Variants in KHDRBS3 observed in about 807,000 individuals in gnomAD.
KHDRBS3 encodes KH RNA binding domain containing, signal transduction associated 3.
A neutral mutation model predicts 45.6 loss-of-function variants in KHDRBS3; 23 were observed. The ratio of observed to expected loss-of-function variants is 0.50; its 90% CI spans 0.36 to 0.72. The LOEUF (loss-of-function observed/expected upper bound fraction) is 0.72. Ranked by LOEUF, KHDRBS3 falls within the 30% of genes least tolerant of loss-of-function variation. The probability of loss-of-function intolerance (pLI) is 0.00; values close to 1 mark genes in which losing one functional copy is unlikely to be tolerated. For missense variants in KHDRBS3, 352 were observed against 424.8 expected (o/e 0.83, Z 1.51); for synonymous variants, 162 against 156.5 (o/e 1.04, Z -0.26).
intron 7 of KHDRBS3, among the ~76,000 whole-genome samples, chr8:135,617,424 T>C (rs1378554903): frequency 6.6e-6 from 1 of 151,768 alleles, no homozygotes; most frequent in Non-Finnish European, 1.5e-5. Context: ...ACTACAGGAG[T>C]GCTCCACCAC....
chr8:135,572,236 T>C (rs796631075), intron 5 of KHDRBS3, among the ~76,000 whole-genome samples: 25 of 152,304 alleles, frequency 1.6e-4, no homozygotes, highest in African/African-American at 6.0e-4. Context: ...CAGTGGGTGA[T>C]ACAGGCTTCA....
At chr8:135,595,506 G>A (rs61607156) in intron 6 of KHDRBS3, among the ~76,000 whole-genome samples, 11,571 of 152,212 alleles carry the variant, frequency 0.076, 699 homozygotes, top group African/African-American at 0.17. Context: ...TAGACTATGC[G>A]ATAATCTGAA....
chr8:135,612,822 C>A (rs957807031), intron 7 of KHDRBS3, among the ~76,000 whole-genome samples: 4 of 151,752 alleles, frequency 2.6e-5, no homozygotes, highest in African/African-American at 9.7e-5. Context: ...TGACCCGTGG[C>A]CAGTCCAGAT....
chr8:135,654,435 A>G (rs1325380716), intron 4 of KHDRBS3, among the ~76,000 whole-genome samples: 1 of 152,216 alleles, frequency 6.6e-6, no homozygotes, highest in Non-Finnish European at 1.5e-5. Context: ...ACATGTATTC[A>G]TTATGATCTA....
intron 7 of KHDRBS3, among the ~76,000 whole-genome samples, chr8:135,631,578 G>A (rs1830607110): frequency 6.6e-6 from 1 of 151,952 alleles, no homozygotes; most frequent in Non-Finnish European, 1.5e-5. Flanking sequence ...AAGATCTTTA[G>A]GGACAGTAAC....
chr8:135,593,640 G>A (rs1828847443), intron 6 of KHDRBS3, among the ~76,000 whole-genome samples: 1 of 151,972 alleles, frequency 6.6e-6, no homozygotes, highest in African/African-American at 2.4e-5. Context: ...ACTTTGCCCG[G>A]CTAATTTTTT....
At chr8:135,513,359 G>A (rs1824403786) in intron 1 of KHDRBS3, among the ~76,000 whole-genome samples, 1 of 152,146 alleles carries the variant, frequency 6.6e-6, no homozygotes, top group African/African-American at 2.4e-5. Flanking sequence ...AACTGGACCA[G>A]GTATTGTTGT....
At chr8:135,503,560 G>GT (rs1823841504) in intron 1 of KHDRBS3, among the ~76,000 whole-genome samples, 1 of 151,620 alleles carries the variant, frequency 6.6e-6, no homozygotes, top group Non-Finnish European at 1.5e-5. Flanking sequence ...TGTTCTGAAA[G>GT]TTTTTTTGTT....
At chr8:135,590,972 G>A (rs919438782) in intron 6 of KHDRBS3, among the ~76,000 whole-genome samples, 3 of 152,170 alleles carry the variant, frequency 2.0e-5, no homozygotes, top group Non-Finnish European at 4.4e-5. Flanking sequence ...CATTTTAAAT[G>A]TAGTCATACA....
At chr8:135,480,598 A>G (rs958592532) in intron 1 of KHDRBS3, among the ~76,000 whole-genome samples, 5 of 152,284 alleles carry the variant, frequency 3.3e-5, no homozygotes, top group African/African-American at 1.2e-4. Flanking sequence ...CACTCTTTAC[A>G]TACTTGAATG....
At chr8:135,515,411 G>T (rs1824539394) in intron 1 of KHDRBS3, among the ~76,000 whole-genome samples, 3 of 111,910 alleles carry the variant, frequency 2.7e-5, no homozygotes, top group African/African-American at 6.0e-5. Context: ...AAGATTCCCT[G>T]TGTTTGCTAA....
intron 7 of KHDRBS3, among the ~76,000 whole-genome samples, chr8:135,623,467 G>T (rs1830232256): frequency 6.6e-6 from 1 of 152,056 alleles, no homozygotes; most frequent in Admixed American, 6.5e-5. Flanking sequence ...CTTCCTGAAA[G>T]TTAAATAAAA....
intron 7 of KHDRBS3, among the ~76,000 whole-genome samples, chr8:135,622,039 T>C (rs1240460350): frequency 6.6e-6 from 1 of 152,094 alleles, no homozygotes; most frequent in Non-Finnish European, 1.5e-5. Flanking sequence ...AGCTATCATG[T>C]CTCCCTACTG....
chr8:135,551,885 C>G (rs1826621035), intron 4 of KHDRBS3, among the ~76,000 whole-genome samples: 3 of 151,980 alleles, frequency 2.0e-5, no homozygotes, highest in Admixed American at 2.0e-4. Context: ...CTGGGAATGT[C>G]TTTATTTTAC....
intron 7 of KHDRBS3, among the ~76,000 whole-genome samples, chr8:135,631,250 C>T (rs1317106071): frequency 2.4e-5 from 1 of 42,452 alleles, no homozygotes; most frequent in African/African-American, 8.2e-5. Flanking sequence ...GACTCCGTCT[C>T]GGAAAAAAAA....
intron 6 of KHDRBS3, among the ~76,000 whole-genome samples, chr8:135,582,778 CAAT>C (rs1465158809): frequency 6.6e-6 from 1 of 152,130 alleles, no homozygotes; most frequent in Non-Finnish European, 1.5e-5. Flanking sequence ...GAAGCAGTAA[CAAT>C]GATAAAATGC....
At chr8:135,595,375 C>T (rs1828929135) in intron 6 of KHDRBS3, among the ~76,000 whole-genome samples, 1 of 152,054 alleles carries the variant, frequency 6.6e-6, no homozygotes, top group African/African-American at 2.4e-5. Context: ...TTATTTTATG[C>T]TTGAATAAAA....
At chr8:135,569,931 A>G (rs1827621734) in intron 5 of KHDRBS3, among the ~76,000 whole-genome samples, 2 of 132,950 alleles carry the variant, frequency 1.5e-5, no homozygotes, top group African/African-American at 6.4e-5. Context: ...AAGAAGAAAG[A>G]AAAACAAAAA....
In KHDRBS3 at chr8:135,567,034, A is replaced by G. The variant is rs555174916; in HGVS notation, c.611+9447A>G. Among the ~76,000 whole-genome samples, 6 of 152,260 alleles carry G rather than the reference A, an allele frequency of 3.9e-5. No homozygotes were observed. In the South Asian group the frequency reaches 1.0e-3, roughly 26 times the overall value. On this transcript the variant is annotated intron_variant, in intron 5 of 8. Transcript: ENST00000355849. ...GGTGGCAGTCTTCATTGACTGCATA[A>G]TTACTCCTGAACGCCTCTGAATTAA...
Sources: allele counts gnomAD v4.1 joint callset (sites outside exome capture counted in the v4.1 genomes callset), GRCh38; gene constraint gnomAD v4.1.1; transcripts MANE v1.5; gene names NCBI Gene and HGNC (gene_info 2026-07-23, HGNC 2026-07-21).